Variants in DLG2 observed in about 807,000 individuals in gnomAD.
The protein encoded by DLG2 is discs large MAGUK scaffold protein 2, also known as disks large homolog 2.
In DLG2, 45 loss-of-function variants were observed where a neutral mutation model predicts 132.5. The observed-to-expected ratio is 0.34, with a 90% CI of 0.27 to 0.44. DLG2 has a LOEUF of 0.44. Ranked by LOEUF, DLG2 falls within the 20% of genes least tolerant of loss-of-function variation. The pLI is 1.00. For missense variants in DLG2, 1,045 were observed against 1,196.9 expected (o/e 0.87, Z 1.87); for synonymous variants, 424 against 419.6 (o/e 1.01, Z -0.13).
At chr11:85,419,914 A>C (rs1487503871) in intron 3 of DLG2, among the ~76,000 whole-genome samples, 1 of 152,012 alleles carries the variant, frequency 6.6e-6, no homozygotes, top group Non-Finnish European at 1.5e-5. Flanking sequence ...TATTACCCAC[A>C]TTCTGAAGTC....
intron 3 of DLG2, among the ~76,000 whole-genome samples, chr11:85,564,487 T>C (rs900215899): frequency 6.6e-6 from 1 of 151,982 alleles, no homozygotes; most frequent in African/African-American, 2.4e-5. Flanking sequence ...TAGAACTCAA[T>C]GTTCTAGCAT....
At chr11:84,305,214 T>G (rs972035389) in intron 7 of DLG2, among the ~76,000 whole-genome samples, 1 of 152,190 alleles carries the variant, frequency 6.6e-6, no homozygotes, top group Non-Finnish European at 1.5e-5. Flanking sequence ...AATGAAAATA[T>G]GGCAGTCTGT....
At chr11:83,929,874 C>A (rs530444870) in intron 15 of DLG2, among the ~76,000 whole-genome samples, 3 of 152,180 alleles carry the variant, frequency 2.0e-5, no homozygotes, top group Admixed American at 6.5e-5. Flanking sequence ...TGATATTAAT[C>A]TAATATTTTA....
chr11:85,255,369 A>T (rs1315721343), intron 4 of DLG2, among the ~76,000 whole-genome samples: 2 of 152,240 alleles, frequency 1.3e-5, no homozygotes, highest in African/African-American at 2.4e-5. Context: ...ATGGATATTC[A>T]TATCCACACA....
intron 4 of DLG2, among the ~76,000 whole-genome samples, chr11:85,210,243 A>G (rs1482893676): frequency 6.6e-6 from 1 of 152,088 alleles, no homozygotes; most frequent in African/African-American, 2.4e-5. Context: ...GAGGCAGGTA[A>G]TAAATATTTG....
chr11:85,136,894 C>T (rs1376355308), intron 5 of DLG2, among the ~76,000 whole-genome samples: 4 of 152,082 alleles, frequency 2.6e-5, no homozygotes, highest in African/African-American at 9.7e-5. Context: ...AAAGAATAAT[C>T]ACAGCTCTAG....
chr11:85,394,462 A>C (rs1419713295), intron 3 of DLG2, among the ~76,000 whole-genome samples: 1 of 152,200 alleles, frequency 6.6e-6, no homozygotes, highest in Non-Finnish European at 1.5e-5. Flanking sequence ...GTGACAGCAA[A>C]AGACAACACT....
intron 6 of DLG2, among the ~76,000 whole-genome samples, chr11:84,974,233 G>A (rs1211953933): frequency 6.6e-6 from 1 of 152,148 alleles, no homozygotes; most frequent in African/African-American, 2.4e-5. Context: ...TTTCTGTTCT[G>A]CTTCATTTGT....
At chr11:85,575,977 A>G (rs1469235583) in intron 3 of DLG2, among the ~76,000 whole-genome samples, 1 of 152,196 alleles carries the variant, frequency 6.6e-6, no homozygotes, top group African/African-American at 2.4e-5. Flanking sequence ...AGCTTAGAAA[A>G]ATATAATGAA....
At chr11:83,728,745 T>C (rs116522337) in intron 18 of DLG2, among the ~76,000 whole-genome samples, 121 of 152,284 alleles carry the variant, frequency 7.9e-4, no homozygotes, top group African/African-American at 2.9e-3. Context: ...CCAGCAACAC[T>C]CTTGTCTTAG....
At chr11:85,195,502 A>G (rs1026763342) in intron 4 of DLG2, among the ~76,000 whole-genome samples, 5 of 149,338 alleles carry the variant, frequency 3.3e-5, no homozygotes, top group African/African-American at 1.2e-4. Flanking sequence ...AAAGTGAATT[A>G]TTTTCTCTGA....
intron 4 of DLG2, among the ~76,000 whole-genome samples, chr11:85,241,874 A>G (rs1369917121): frequency 1.3e-5 from 2 of 151,976 alleles, no homozygotes. Flanking sequence ...TCTCTGTTTT[A>G]TATCCTAGAT....
At chr11:85,545,277 T>A (rs771254976) in intron 3 of DLG2, among the ~76,000 whole-genome samples, 3 of 152,198 alleles carry the variant, frequency 2.0e-5, no homozygotes, top group Non-Finnish European at 4.4e-5. Context: ...TCTGTTTATG[T>A]GATGGATTAC....
intron 14 of DLG2, 136 bp downstream of exon 14, chr11:83,962,749 G>T: frequency 9.0e-7 from 1 of 1,110,408 alleles, no homozygotes; most frequent in Non-Finnish European, 1.3e-6. Flanking sequence ...CAATGCACCT[G>T]AGGCAAAACT....
intron 8 of DLG2, among the ~76,000 whole-genome samples, chr11:84,165,232 A>G (rs2095634746): frequency 6.6e-6 from 1 of 152,184 alleles, no homozygotes; most frequent in Non-Finnish European, 1.5e-5. Flanking sequence ...GAAAAAAACA[A>G]CTTCCAAGAG....
At chr11:83,698,891 A>G (rs2082373585) in intron 18 of DLG2, among the ~76,000 whole-genome samples, 1 of 152,200 alleles carries the variant, frequency 6.6e-6, no homozygotes, top group African/African-American at 2.4e-5. Context: ...GTGATTAGAG[A>G]GGCAGAGGGC....
At chr11:84,701,135 C>T (rs114986404) in intron 6 of DLG2, among the ~76,000 whole-genome samples, 129 of 151,758 alleles carry the variant, frequency 8.5e-4, no homozygotes, top group African/African-American at 3.1e-3. Flanking sequence ...TTGACTTAGA[C>T]TTTTTCTCCT....
chr11:84,619,758 A>G (rs1267093805), intron 6 of DLG2, among the ~76,000 whole-genome samples: 1 of 151,756 alleles, frequency 6.6e-6, no homozygotes, highest in African/African-American at 2.4e-5. Context: ...CTTTTTTTAA[A>G]TGTAAAATAT....
At chr11:85,132,194 G>T (rs551562773) in intron 5 of DLG2, among the ~76,000 whole-genome samples, 38 of 152,100 alleles carry the variant, frequency 2.5e-4, no homozygotes, top group African/African-American at 8.9e-4. Context: ...AAATATTTGT[G>T]TATAATTAAA....
Sources: allele counts gnomAD v4.1 joint callset (sites outside exome capture counted in the v4.1 genomes callset), GRCh38; gene constraint gnomAD v4.1.1; transcripts MANE v1.5; gene names NCBI Gene and HGNC (gene_info 2026-07-23, HGNC 2026-07-21).